ACYP2: variants seen among roughly 807,000 people sequenced by gnomAD.
ACYP2 encodes the protein acylphosphatase 2.
In ACYP2, 12 loss-of-function variants were observed where a neutral mutation model predicts 11.2. The observed-to-expected ratio is 1.08, with a 90% CI of 0.69 to 1.74. The LOEUF (loss-of-function observed/expected upper bound fraction) is 1.74, where lower values mean the gene tolerates loss of function less well. ACYP2 is among the 40% of genes most tolerant of loss of function. The pLI is 0.00. For missense variants in ACYP2, 134 were observed against 101.9 expected (o/e 1.31, Z -1.35); for synonymous variants, 43 against 32.2 (o/e 1.33, Z -1.13).
intron 6 of ACYP2, among the ~76,000 whole-genome samples, chr2:54,294,917 T>TAA (rs34195032): frequency 0.02 from 3,028 of 147,766 alleles, 108 homozygotes; most frequent in African/African-American, 0.069. Flanking sequence ...TCCTGTCTCT[T>TAA]AAAAAAAAAA....
chr2:54,124,577 T>A (rs149985232), intron 4 of ACYP2, among the ~76,000 whole-genome samples: 43 of 152,288 alleles, frequency 2.8e-4, no homozygotes, highest in African/African-American at 8.7e-4. Context: ...GTGACACTTT[T>A]ATTATCCACC....
At chr2:54,148,799 A>G (rs1421415851) in intron 6 of ACYP2, among the ~76,000 whole-genome samples, 1 of 152,242 alleles carries the variant, frequency 6.6e-6, no homozygotes, top group East Asian at 1.9e-4. Flanking sequence ...TTATTCCTCT[A>G]GTGCAATATA....
chr2:54,204,026 G>A (rs984002379), intron 6 of ACYP2, among the ~76,000 whole-genome samples: 8 of 152,002 alleles, frequency 5.3e-5, no homozygotes, highest in African/African-American at 1.4e-4. Flanking sequence ...ACGGAGTCTC[G>A]CTCTGTCACC....
chr2:54,114,309 C>A (rs951510091), intron 4 of ACYP2, among the ~76,000 whole-genome samples: 2 of 149,850 alleles, frequency 1.3e-5, no homozygotes, highest in Non-Finnish European at 2.9e-5. Flanking sequence ...TTGGTAATAG[C>A]TCACCAGGAA....
At chr2:54,085,969 G>A (rs1677925145) in intron 4 of ACYP2, among the ~76,000 whole-genome samples, 1 of 151,776 alleles carries the variant, frequency 6.6e-6, no homozygotes, top group Non-Finnish European at 1.5e-5. Context: ...TTTTGAGACA[G>A]AGTCTCACTC....
intron 6 of ACYP2, among the ~76,000 whole-genome samples, chr2:54,282,879 G>A (rs1234594203): frequency 1.3e-5 from 2 of 152,178 alleles, no homozygotes; most frequent in Non-Finnish European, 2.9e-5. Context: ...CCTTCAAAGA[G>A]TGGCCATATC....
chr2:54,083,560 G>T (rs924130931), intron 4 of ACYP2, among the ~76,000 whole-genome samples: 1 of 151,800 alleles, frequency 6.6e-6, no homozygotes, highest in Non-Finnish European at 1.5e-5. Context: ...AGCAAACAGG[G>T]TGATGGGAAA....
chr2:54,028,744 C>G (rs571035913), intron 2 of ACYP2, among the ~76,000 whole-genome samples: 1 of 152,300 alleles, frequency 6.6e-6, no homozygotes, highest in East Asian at 1.9e-4. Context: ...AAATCATCCA[C>G]TCTTCCCCAT....
chr2:53,984,454 G>T (rs1444516676), intron 2 of ACYP2, among the ~76,000 whole-genome samples: 1 of 151,830 alleles, frequency 6.6e-6, no homozygotes, highest in Admixed American at 6.6e-5. Context: ...GTGCATGCCT[G>T]TAATCCCAGA....
At chr2:54,037,295 G>T (rs918548941) in intron 2 of ACYP2, among the ~76,000 whole-genome samples, 1 of 151,768 alleles carries the variant, frequency 6.6e-6, no homozygotes, top group South Asian at 2.1e-4. Flanking sequence ...TTGTATTTTT[G>T]GTAGAGACGG....
chr2:54,009,169 C>G (rs1322531278), intron 2 of ACYP2, among the ~76,000 whole-genome samples: 3 of 149,248 alleles, frequency 2.0e-5, no homozygotes, highest in Non-Finnish European at 4.4e-5. Flanking sequence ...AAAAAAAATT[C>G]AGACAGCAAA....
intron 2 of ACYP2, among the ~76,000 whole-genome samples, chr2:53,997,187 A>G (rs1481503871): frequency 6.6e-6 from 1 of 152,244 alleles, no homozygotes; most frequent in South Asian, 2.1e-4. Context: ...TTGAAGGATT[A>G]CATTTACTCT....
At chr2:54,162,507 G>C (rs1682763593) in intron 6 of ACYP2, among the ~76,000 whole-genome samples, 1 of 152,154 alleles carries the variant, frequency 6.6e-6, no homozygotes, top group Non-Finnish European at 1.5e-5. Context: ...GCCAGCAGCA[G>C]CACCATGGAT....
At chr2:54,230,829 CTTTT>C (rs34359444) in intron 6 of ACYP2, among the ~76,000 whole-genome samples, 3 of 129,412 alleles carry the variant, frequency 2.3e-5, no homozygotes, top group Non-Finnish European at 3.2e-5. Flanking sequence ...TCTTTCTTTT[CTTTT>C]TTTTTTTTTT....
At chr2:54,011,058 T>A (rs1673345052) in intron 2 of ACYP2, among the ~76,000 whole-genome samples, 2 of 152,098 alleles carry the variant, frequency 1.3e-5, no homozygotes, top group Admixed American at 1.3e-4. Flanking sequence ...CGTCACATTA[T>A]TAATAATCTT....
At chr2:54,039,318 G>T (rs911968135) in intron 2 of ACYP2, among the ~76,000 whole-genome samples, 2 of 150,070 alleles carry the variant, frequency 1.3e-5, no homozygotes, top group African/African-American at 4.9e-5. Context: ...GGGGGGACAG[G>T]GTCCCACTCT....
chr2:54,005,442 C>T (rs184568645), intron 2 of ACYP2, among the ~76,000 whole-genome samples: 2 of 151,742 alleles, frequency 1.3e-5, no homozygotes, highest in East Asian at 1.9e-4. Flanking sequence ...CAGGTTCAAG[C>T]GATCTTCCTG....
At chr2:54,285,215 T>C (rs1301749664) in intron 6 of ACYP2, among the ~76,000 whole-genome samples, 1 of 152,170 alleles carries the variant, frequency 6.6e-6, no homozygotes, top group Non-Finnish European at 1.5e-5. Flanking sequence ...CCCTATCTCT[T>C]AATAACAACA....
intron 4 of ACYP2, among the ~76,000 whole-genome samples, chr2:54,076,060 T>C (rs1228458891): frequency 6.6e-6 from 1 of 152,236 alleles, no homozygotes; most frequent in East Asian, 1.9e-4. Flanking sequence ...AATGAAAATG[T>C]TCCCATCTGG....
Sources: allele counts gnomAD v4.1 joint callset (sites outside exome capture counted in the v4.1 genomes callset), GRCh38; gene constraint gnomAD v4.1.1; transcripts MANE v1.5; gene names NCBI Gene and HGNC (gene_info 2026-07-23, HGNC 2026-07-21).